SIRPG: variants seen among roughly 807,000 people sequenced by gnomAD.
The protein encoded by SIRPG is signal regulatory protein gamma.
In SIRPG, 38 loss-of-function variants were observed where a neutral mutation model predicts 35.7. The ratio of observed to expected loss-of-function variants is 1.06; its 90% CI spans 0.82 to 1.40. SIRPG has a LOEUF of 1.40. Ranked by LOEUF, SIRPG falls within the 40% of genes most tolerant of loss-of-function variation. The pLI is 0.00. For synonymous variants in SIRPG, 215 were observed against 190.4 expected, an observed-to-expected ratio of 1.13 and a Z score of -1.06; for missense variants, 519 against 483.0, an observed-to-expected ratio of 1.07 and a Z score of -0.70.
the SIRPG span, among the ~76,000 whole-genome samples, chr20:1,681,977 C>T: frequency 6.6e-6 from 1 of 152,140 alleles, no homozygotes; most frequent in Non-Finnish European, 1.5e-5. Flanking sequence ...GATATAGTTA[C>T]TATATAGATA....
At chr20:1,685,233 A>G in the SIRPG span, among the ~76,000 whole-genome samples, 1 of 152,190 alleles carries the variant, frequency 6.6e-6, no homozygotes, top group Non-Finnish European at 1.5e-5. Flanking sequence ...AGTCGAAAGA[A>G]CCAAGGTAGA....
intron 1 of SIRPG, among the ~76,000 whole-genome samples, chr20:1,655,315 G>A (rs1435174822): frequency 6.6e-6 from 1 of 152,170 alleles, no homozygotes; most frequent in African/African-American, 2.4e-5. Flanking sequence ...AGAAAATGTA[G>A]CATATATGCA....
chr20:1,635,681 C>G, intron 3 of SIRPG, 82 bp from the exon 4 acceptor site: 1 of 1,418,512 alleles, frequency 7.0e-7, no homozygotes, highest in Non-Finnish European at 9.8e-7. Flanking sequence ...CTCCCACTAC[C>G]ACGGTGAGGG....
chr20:1,683,100 C>T, the SIRPG span, among the ~76,000 whole-genome samples: 3 of 152,162 alleles, frequency 2.0e-5, no homozygotes, highest in Non-Finnish European at 4.4e-5. Flanking sequence ...CCTGAATAGA[C>T]ATTTCTCAAA....
the SIRPG span, among the ~76,000 whole-genome samples, chr20:1,669,511 C>T: frequency 6.6e-5 from 10 of 152,346 alleles, no homozygotes; most frequent in Middle Eastern, 0.017. Context: ...GATTTTCCCA[C>T]AGCAGATGCC....
chr20:1,655,806 T>C (rs1346862935), intron 1 of SIRPG, among the ~76,000 whole-genome samples: 2 of 152,028 alleles, frequency 1.3e-5, no homozygotes, highest in Non-Finnish European at 2.9e-5. Flanking sequence ...CAAATAAAAA[T>C]AAAATAAAAT....
intron 1 of SIRPG, 58 bp from the exon 2 acceptor site, chr20:1,649,466 A>T: frequency 6.8e-7 from 1 of 1,462,236 alleles, no homozygotes; most frequent in Non-Finnish European, 9.2e-7. Context: ...GTATTTCCTC[A>T]TGTTTATCAA....
At chr20:1,648,546 G>A (rs150291733) in intron 2 of SIRPG, 1 of 152,360 alleles carries the variant, frequency 6.6e-6, no homozygotes, top group East Asian at 1.9e-4. Flanking sequence ...GCTATTGGCT[G>A]TTTCATTCAC....
the SIRPG span, among the ~76,000 whole-genome samples, chr20:1,668,528 C>T: frequency 3.3e-5 from 5 of 152,046 alleles, no homozygotes; most frequent in South Asian, 2.1e-4. Context: ...ATGATCCAAC[C>T]ACCTCGGTCT....
chr20:1,671,636 G>A, the SIRPG span, among the ~76,000 whole-genome samples: 1 of 152,216 alleles, frequency 6.6e-6, no homozygotes, highest in Non-Finnish European at 1.5e-5. Context: ...CTTCAGAGCT[G>A]AGAGCCTTGA....
chr20:1,630,969 C>T (rs962149853), intron 4 of SIRPG: 2 of 152,136 alleles, frequency 1.3e-5, no homozygotes, highest in Non-Finnish European at 2.9e-5. Flanking sequence ...GGAAATGGGT[C>T]TCATGCTTGG....
At chr20:1,677,254 G>T in the SIRPG span, among the ~76,000 whole-genome samples, 1 of 152,172 alleles carries the variant, frequency 6.6e-6, no homozygotes, top group African/African-American at 2.4e-5. Flanking sequence ...CTTTGGAAGT[G>T]TCATACTTTG....
At chr20:1,631,284 G>A (rs2091748083) in intron 4 of SIRPG, among the ~76,000 whole-genome samples, 1 of 152,110 alleles carries the variant, frequency 6.6e-6, no homozygotes, top group Non-Finnish European at 1.5e-5. Context: ...GTGGCTCTCT[G>A]GGACTTCTTC....
chr20:1,662,203 GC>G (rs1016953089), upstream of SIRPG, among the ~76,000 whole-genome samples: 391 of 152,326 alleles, frequency 2.6e-3, 3 homozygotes, highest in African/African-American at 9.1e-3. Context: ...ACTTCCTGAA[GC>G]CAAAACCTCT....
At chr20:1,686,219 C>A in the SIRPG span, among the ~76,000 whole-genome samples, 3 of 152,120 alleles carry the variant, frequency 2.0e-5, no homozygotes, top group Non-Finnish European at 4.4e-5. Flanking sequence ...AATGCCCAGT[C>A]CTTGACCTAC....
chr20:1,639,959 C>T lies in SIRPG; in HGVS notation c.431-3454G>A, dbSNP rs370010772. Among the ~76,000 whole-genome samples the T allele has an allele frequency of 9.9e-4, 151 of 152,152 alleles. 1 individual carries two copies. The highest frequency in any genetic ancestry group is 3.3e-3 in the African/African-American group (135 of 41,516). On this transcript the variant is annotated intron_variant, in intron 2 of 5. Transcript: ENST00000303415. ...TGTACAGCATTATTTCTGAGGTCTCCGTTCTGTTCCATTGGTCTATATGTC... is the reference window on the plus strand; with the variant it reads ...TGTACAGCATTATTTCTGAGGTCTCTGTTCTGTTCCATTGGTCTATATGTC...
the SIRPG span, among the ~76,000 whole-genome samples, chr20:1,668,188 TTTTTC>T: frequency 4.8e-3 from 307 of 63,532 alleles, 4 homozygotes; most frequent in East Asian, 0.062. Context: ...TCTTTCTTTC[TTTTTC>T]TTTTCTTTTC....
chr20:1,683,338 A>T, the SIRPG span, among the ~76,000 whole-genome samples: 1 of 152,212 alleles, frequency 6.6e-6, no homozygotes, highest in Non-Finnish European at 1.5e-5. Flanking sequence ...AACAGTATGG[A>T]GTTTCCTCCA....
chr20:1,668,155 C>CTTT, the SIRPG span, among the ~76,000 whole-genome samples: 14 of 108,264 alleles, frequency 1.3e-4, no homozygotes, highest in African/African-American at 3.9e-4. Flanking sequence ...TTCTTTTTTT[C>CTTT]TTTTCTTTTC....
Sources: gnomAD v4.1 joint callset for allele counts (sites outside exome capture counted in the v4.1 genomes callset) on GRCh38, gnomAD v4.1.1 for gene constraint, MANE v1.5 for transcripts, NCBI Gene and HGNC (gene_info 2026-07-23, HGNC 2026-07-21) for gene names.